Variants in LRRC38 observed in about 807,000 individuals in gnomAD.
LRRC38 encodes the protein leucine rich repeat containing 38.
Under a neutral mutation model 16.4 loss-of-function variants are expected in LRRC38, and 5 were observed. The ratio of observed to expected loss-of-function variants is 0.31; its 90% CI spans 0.16 to 0.64. The LOEUF is 0.64. LRRC38 is among the 30% of genes least tolerant of loss of function. LRRC38 has a pLI of 0.80. For synonymous variants in LRRC38, 191 were observed against 190.2 expected (o/e 1.00, Z -0.04); for missense variants, 341 against 401.8 (o/e 0.85, Z 1.29).
chr1:13,498,064 G>T lies in LRRC38; in HGVS notation c.631+14899C>A, dbSNP rs903983906. Among the ~76,000 whole-genome samples the T allele has an allele frequency of 9.9e-5, 15 of 151,522 alleles. No homozygotes were observed. In the East Asian group the frequency reaches 2.7e-3, roughly 27 times the overall value. ...TCATTTTTCTGTTTTAAATATGGCT[G>T]CTGGAACATCTGAAATTATCTCTGC... On this transcript the variant is annotated intron_variant, in intron 1 of 1. Transcript: ENST00000376085.
chr1:13,480,745 A>T (rs1569908611), intron 1 of LRRC38, among the ~76,000 whole-genome samples: 2 of 152,050 alleles, frequency 1.3e-5, no homozygotes, highest in East Asian at 3.9e-4. Flanking sequence ...TTCACCTTCC[A>T]CCATGATTGT....
chr1:13,481,097 G>A (rs1322679065), intron 1 of LRRC38, among the ~76,000 whole-genome samples: 2 of 152,114 alleles, frequency 1.3e-5, no homozygotes, highest in African/African-American at 2.4e-5. Context: ...CTAGGGTGTG[G>A]CTGTCCTGAT....
Position 13,513,185 on chromosome 1 carries a change from T to C in LRRC38, c.409A>G (p.Asn137Asp). 6.4e-7 allele frequency: 1 copy of C among 1,550,410 alleles called. No homozygotes were observed. Among genetic ancestry groups the C allele is most frequent in the East Asian group, 2.4e-5 (1 of 40,872 alleles). ...AGRLVKLSLA[N>D]NNLVGVHEDA... ...TCGTGCACGCCCACCAGGTTGTTGT[T>C]AGCCAGGCTAAGCTTCACCAGCCTC... The change falls in exon 1 of 2, where the codon AAC becomes GAC. Residue 137 changes from asparagine (N) to aspartate (D), a missense_variant. By Grantham distance (23) the Asn-to-Asp change is conservative. Coordinates refer to ENST00000376085, the MANE Select transcript of LRRC38 (RefSeq NM_001010847.2).
At chr1:13,485,531 G>A (rs574606891) in intron 1 of LRRC38, among the ~76,000 whole-genome samples, 1 of 151,936 alleles carries the variant, frequency 6.6e-6, no homozygotes, top group East Asian at 1.9e-4. Flanking sequence ...TTGTGCCGCT[G>A]TACTTCAGCC....
intron 1 of LRRC38, among the ~76,000 whole-genome samples, chr1:13,511,436 C>T (rs1639273090): frequency 1.3e-5 from 2 of 152,066 alleles, no homozygotes; most frequent in Non-Finnish European, 2.9e-5. Context: ...GATGAGGAAA[C>T]TGAGGCCCAA....
chr1:13,481,801 C>T (rs1276986788), intron 1 of LRRC38, among the ~76,000 whole-genome samples: 25 of 124,406 alleles, frequency 2.0e-4, no homozygotes, highest in Middle Eastern at 4.8e-3. Flanking sequence ...CTCTCTCTCT[C>T]TCTCTCTCTC....
At chr1:13,505,106 G>A (rs1178904733) in intron 1 of LRRC38, among the ~76,000 whole-genome samples, 1 of 152,200 alleles carries the variant, frequency 6.6e-6, no homozygotes, top group Non-Finnish European at 1.5e-5. Flanking sequence ...AAGCAAAGCT[G>A]TCCGATTCAG....
chr1:13,505,675 C>T (rs1450820243), intron 1 of LRRC38, among the ~76,000 whole-genome samples: 1 of 152,132 alleles, frequency 6.6e-6, no homozygotes, highest in Non-Finnish European at 1.5e-5. Context: ...TACGACGTAA[C>T]TACAACAAGA....
At chr1:13,479,072 T>C (rs1377615495) in intron 1 of LRRC38, among the ~76,000 whole-genome samples, 2 of 152,180 alleles carry the variant, frequency 1.3e-5, no homozygotes, top group Admixed American at 6.5e-5. Flanking sequence ...CTGAGAATTT[T>C]AAATGCATTT....
chr1:13,500,209 C>A (rs747174418), intron 1 of LRRC38, among the ~76,000 whole-genome samples: 2 of 149,978 alleles, frequency 1.3e-5, no homozygotes, highest in African/African-American at 2.5e-5. Context: ...GAGCCGAGAT[C>A]ATGCCACTGC....
At chr1:13,507,245 A>C (rs1212965971) in intron 1 of LRRC38, among the ~76,000 whole-genome samples, 1 of 152,186 alleles carries the variant, frequency 6.6e-6, no homozygotes, top group Non-Finnish European at 1.5e-5. Context: ...GTTCCTGGAC[A>C]CTGGTAATGG....
In LRRC38 at chr1:13,487,524, C is replaced by T. The variant is rs535396545; in HGVS notation, c.632-11425G>A. ...GGCCTAGGCAGAACAGGGCCCACAGCGCCCTCCCCTTATAACCACGACTTC... is the reference window on the plus strand; with the variant it reads ...GGCCTAGGCAGAACAGGGCCCACAGTGCCCTCCCCTTATAACCACGACTTC... On this transcript the variant is annotated intron_variant, in intron 1 of 1. Transcript: ENST00000376085. This position sits in a 1 kb window ranked among gnomAD's most constrained non-coding sequence, Gnocchi z 4.4. Among the ~76,000 whole-genome samples the T allele has an allele frequency of 9.8e-5, 15 of 152,302 alleles. No individual in the cohort carries two copies. Among genetic ancestry groups the T allele is most frequent in the Middle Eastern group, 3.4e-3 (1 of 294 alleles).
intron 1 of LRRC38, among the ~76,000 whole-genome samples, chr1:13,499,300 T>C (rs1271033350): frequency 6.6e-6 from 1 of 152,186 alleles, no homozygotes; most frequent in Non-Finnish European, 1.5e-5. Context: ...GGTTTCACCA[T>C]GTTGGCCAGG....
intron 1 of LRRC38, among the ~76,000 whole-genome samples, 173 bp from the exon 2 acceptor site, chr1:13,476,272 T>G (rs1459438573): frequency 1.3e-5 from 2 of 151,504 alleles, no homozygotes; most frequent in Non-Finnish European, 2.9e-5. Flanking sequence ...AAAAAAAGCC[T>G]TAGAGTGATC....
At chr1:13,512,938 C>A in intron 1 of LRRC38, 25 bp downstream of exon 1, 2 of 1,522,770 alleles carry the variant, frequency 1.3e-6, no homozygotes, top group Non-Finnish European at 1.8e-6. Flanking sequence ...TCCCTCCCTC[C>A]CCCAGCCTAG....
intron 1 of LRRC38, among the ~76,000 whole-genome samples, chr1:13,493,515 C>T (rs1639043037): frequency 6.6e-6 from 1 of 152,198 alleles, no homozygotes. Context: ...TGTGAATATG[C>T]TGCCTTGTAA....
chr1:13,503,828 C>T (rs1306635146), intron 1 of LRRC38, among the ~76,000 whole-genome samples: 1 of 152,100 alleles, frequency 6.6e-6, no homozygotes, highest in African/African-American at 2.4e-5. Context: ...GAGAAGCTGC[C>T]CCTTCATCTT....
rs1023893564 is a variant in LRRC38, at chr1:13,490,840, C to T, written c.632-14741G>A. 6.8e-4 allele frequency among the ~76,000 whole-genome samples: 103 copies of T among 152,138 alleles called. 3 individuals are homozygous for T. The highest frequency in any genetic ancestry group is 2.6e-4 in the Non-Finnish European group (18 of 68,048). ...GTGGCTCCCTCCCAGGCCTGCCATT[C>T]TAAAGCACCCACTGTCCCAAGTTCA... On this transcript the variant is annotated intron_variant, in intron 1 of 1. Coordinates refer to ENST00000376085, the MANE Select transcript of LRRC38 (RefSeq NM_001010847.2).
chr1:13,495,404 G>A (rs1032825345), intron 1 of LRRC38, among the ~76,000 whole-genome samples: 1 of 152,106 alleles, frequency 6.6e-6, no homozygotes, highest in African/African-American at 2.4e-5. Flanking sequence ...AGACGTGCAA[G>A]AGGCTGGGAG....
Sources: gnomAD v4.1 joint callset for allele counts (sites outside exome capture counted in the v4.1 genomes callset) on GRCh38, gnomAD v4.1.1 for gene constraint, Gnocchi (gnomAD v3.1) non-coding constraint, MANE v1.5 for transcripts, NCBI Gene and HGNC (gene_info 2026-07-23, HGNC 2026-07-21) for gene names.